SCFD2: variants seen among roughly 807,000 people sequenced by gnomAD.
SCFD2 encodes the protein sec1 family domain containing 2, also known as sec1 family domain-containing protein 2.
A neutral mutation model predicts 58.9 loss-of-function variants in SCFD2; 54 were observed. That is an observed-to-expected ratio of 0.92 (90% confidence interval 0.74 to 1.15). The LOEUF (loss-of-function observed/expected upper bound fraction) is 1.15. Among genes scored for constraint, SCFD2 ranks in the 50% most tolerant of loss-of-function variants. The pLI, the probability that SCFD2 is intolerant of heterozygous loss-of-function variation, is 0.00. For missense variants in SCFD2, 805 were observed against 836.6 expected, an observed-to-expected ratio of 0.96 and a Z score of 0.47; for synonymous variants, 321 against 335.9, an observed-to-expected ratio of 0.96 and a Z score of 0.49.
At chr4:53,253,216 A>T (rs937431995) in intron 4 of SCFD2, among the ~76,000 whole-genome samples, 4 of 152,224 alleles carry the variant, frequency 2.6e-5, no homozygotes, top group Non-Finnish European at 5.9e-5. Context: ...TTAGAATGGC[A>T]ATCATCAAAA....
intron 4 of SCFD2, among the ~76,000 whole-genome samples, chr4:53,203,629 G>GA (rs1348357814): frequency 6.6e-6 from 1 of 151,998 alleles, no homozygotes; most frequent in East Asian, 1.9e-4. Flanking sequence ...GAAAGCCAAT[G>GA]AATAAGGTTA....
intron 5 of SCFD2, among the ~76,000 whole-genome samples, chr4:52,941,536 T>C (rs1388348935): frequency 6.6e-6 from 1 of 152,234 alleles, no homozygotes; most frequent in African/African-American, 2.4e-5. Context: ...GTTGAATTAT[T>C]ACCCCACTGT....
chr4:52,980,352 C>T (rs1721348573), intron 5 of SCFD2, among the ~76,000 whole-genome samples: 1 of 152,092 alleles, frequency 6.6e-6, no homozygotes, highest in Admixed American at 6.6e-5. Context: ...GAGTAATTTG[C>T]CCAAGGTCAT....
At chr4:53,182,363 T>C (rs1411845136) in intron 4 of SCFD2, among the ~76,000 whole-genome samples, 1 of 152,166 alleles carries the variant, frequency 6.6e-6, no homozygotes, top group Non-Finnish European at 1.5e-5. Flanking sequence ...TCTACAACTA[T>C]CTGATCTTTG....
intron 5 of SCFD2, among the ~76,000 whole-genome samples, chr4:52,924,395 CAA>C: frequency 6.6e-6 from 1 of 152,250 alleles, no homozygotes; most frequent in South Asian, 2.1e-4. Flanking sequence ...AAATTGAACT[CAA>C]ATGAACCCAA....
chr4:53,214,100 G>A (rs959393594), intron 4 of SCFD2, among the ~76,000 whole-genome samples: 40 of 152,042 alleles, frequency 2.6e-4, no homozygotes, highest in Admixed American at 3.3e-4. Flanking sequence ...ATTGTAAATA[G>A]TGCCACAGTA....
rs1209596370 is a variant in SCFD2 at position 52,907,514 on chromosome 4, T to G, written c.1785A>C (p.Glu595Asp). 6.2e-7 allele frequency: 1 copy of G among 1,613,966 alleles called. No individual in the cohort carries two copies. The highest frequency in any genetic ancestry group is 8.5e-7 in the Non-Finnish European group (1 of 1,179,948). The change falls in exon 7 of 9, where the codon GAA becomes GAC. Residue 595 changes from glutamate (E) to aspartate (D), a missense_variant. This residue lies in a region of SCFD2 where 633 missense variants were observed against 646.8 expected (regional missense o/e 0.98). Transcript: ENST00000401642. Reference sequence around the variant, plus strand: ...GATCAGTGAGGCCTGAAGACATGTGTTCAATATCAACGGAATCTGGCCTCT... The same window carrying G: ...GATCAGTGAGGCCTGAAGACATGTGGTCAATATCAACGGAATCTGGCCTCT... ...HPERPDSVDI[E>D]HMSSGLTDLL...
chr4:53,003,932 T>A (rs1721918101), intron 5 of SCFD2, among the ~76,000 whole-genome samples: 1 of 152,196 alleles, frequency 6.6e-6, no homozygotes, highest in Non-Finnish European at 1.5e-5. Flanking sequence ...TGAGGAATTC[T>A]CATTAGGAGG....
rs528225504 is a variant in SCFD2, at chr4:53,282,219, T to C, written c.1136-8218A>G. On this transcript the variant is annotated intron_variant, in intron 3 of 8. Coordinates refer to ENST00000401642, the MANE Select transcript of SCFD2 (RefSeq NM_152540.4). ...ATTTAATTTGAATACAGTTTTCTTC[T>C]GTCTTTTGGGAAAGTTTCACATTCT... Among the ~76,000 whole-genome samples, 4 of 152,328 alleles carry C rather than the reference T, an allele frequency of 2.6e-5. No individual in the cohort carries two copies. In the South Asian group the frequency reaches 8.3e-4, roughly 32 times the overall value.
chr4:53,181,502 A>G (rs1727553615), intron 4 of SCFD2, among the ~76,000 whole-genome samples: 1 of 152,208 alleles, frequency 6.6e-6, no homozygotes, highest in Non-Finnish European at 1.5e-5. Flanking sequence ...GATGGGATGT[A>G]TCTCAAAATG....
chr4:53,282,260 C>T (rs1731529472), intron 3 of SCFD2, among the ~76,000 whole-genome samples: 1 of 152,072 alleles, frequency 6.6e-6, no homozygotes, highest in African/African-American at 2.4e-5. Flanking sequence ...GCTAATTGCT[C>T]TCTGTCTTTT....
At chr4:53,076,444 C>G (rs1723977476) in intron 5 of SCFD2, among the ~76,000 whole-genome samples, 1 of 152,102 alleles carries the variant, frequency 6.6e-6, no homozygotes, top group African/African-American at 2.4e-5. Context: ...GAACCCCTGA[C>G]AAGAGCACAC....
At chr4:53,218,025 T>G (rs1472893963) in intron 4 of SCFD2, among the ~76,000 whole-genome samples, 1 of 152,260 alleles carries the variant, frequency 6.6e-6, no homozygotes, top group African/African-American at 2.4e-5. Flanking sequence ...GTTACTCTGT[T>G]GGGCTTCCCT....
At chr4:53,097,884 T>C (rs1163953899) in intron 5 of SCFD2, among the ~76,000 whole-genome samples, 1 of 152,148 alleles carries the variant, frequency 6.6e-6, no homozygotes, top group Non-Finnish European at 1.5e-5. Flanking sequence ...TTTTGAGATA[T>C]GTCCAATCAA....
intron 7 of SCFD2, among the ~76,000 whole-genome samples, chr4:52,906,325 GC>G (rs1346274727): frequency 6.6e-6 from 1 of 152,204 alleles, no homozygotes; most frequent in East Asian, 1.9e-4. Context: ...GTAAAGCCAT[GC>G]CTGTGAATGA....
intron 5 of SCFD2, among the ~76,000 whole-genome samples, chr4:53,042,122 A>G (rs1482084499): frequency 2.6e-5 from 4 of 152,140 alleles, no homozygotes; most frequent in African/African-American, 9.6e-5. Context: ...TTAGTAATCA[A>G]CAACTCTAAT....
At chr4:53,305,398 T>C (rs922186374) in intron 3 of SCFD2, among the ~76,000 whole-genome samples, 2 of 152,182 alleles carry the variant, frequency 1.3e-5, no homozygotes, top group Non-Finnish European at 2.9e-5. Flanking sequence ...TTATTGAGAC[T>C]ATTCTTTCCC....
intron 1 of SCFD2, among the ~76,000 whole-genome samples, chr4:53,364,700 T>G (rs2149177233): frequency 6.7e-6 from 1 of 148,578 alleles, no homozygotes; most frequent in East Asian, 2.0e-4. Flanking sequence ...TTCCTTCCGC[T>G]GGGTCATCTA....
intron 3 of SCFD2, among the ~76,000 whole-genome samples, chr4:53,302,040 A>G (rs1028040658): frequency 1.3e-5 from 2 of 152,202 alleles, no homozygotes; most frequent in Non-Finnish European, 2.9e-5. Context: ...GAAAACGGGC[A>G]CAAGACAGGG....
Sources: allele counts gnomAD v4.1 joint callset (sites outside exome capture counted in the v4.1 genomes callset), GRCh38; gene constraint gnomAD v4.1.1; regional missense constraint gnomAD v4.1.1; transcripts MANE v1.5; gene names NCBI Gene and HGNC (gene_info 2026-07-23, HGNC 2026-07-21).